The following SOX6 variants were observed in gnomAD, a reference collection of about 807,000 sequenced individuals.
SOX6 encodes the protein SRY-box transcription factor 6.
In SOX6, 11 loss-of-function variants were observed where a neutral mutation model predicts 97.8. The observed-to-expected ratio is 0.11, with a 90% CI of 0.07 to 0.19. SOX6 has a LOEUF of 0.19. Ranked by LOEUF, SOX6 falls within the 10% of genes least tolerant of loss-of-function variation. SOX6 has a pLI of 1.00. For missense variants in SOX6, 810 were observed against 1,039.5 expected (o/e 0.78, Z 3.04); for synonymous variants, 360 against 371.4 (o/e 0.97, Z 0.35).
In SOX6 at chr11:16,610,199, T is replaced by C. The variant is rs540950097; in HGVS notation, n.609+1882A>G. On this transcript the variant is annotated intron_variant and non_coding_transcript_variant, in intron 4 of 5. Transcript: ENST00000524520. The surrounding 1 kb of genome is among the most constrained non-coding windows in gnomAD (Gnocchi z 4.4). ...AGGGCCATAAAACCTCTCCAAAGCC[T>C]AAAGAGGTCATCATTGAAGGACCTG... Among the ~76,000 whole-genome samples, 3 of 152,150 alleles carry C rather than the reference T, an allele frequency of 2.0e-5. No homozygotes were observed. The South Asian group carries it at 6.2e-4, about 31-fold the overall frequency.
At chr11:16,573,941 G>T (rs991081895) in intron 4 of SOX6, among the ~76,000 whole-genome samples, 1 of 152,078 alleles carries the variant, frequency 6.6e-6, no homozygotes, top group Admixed American at 6.5e-5. Flanking sequence ...TAATGTTCAT[G>T]TTGTATAAGA....
In SOX6 at chr11:16,596,636, A is replaced by C. The variant is rs139012679; in HGVS notation, n.609+15445T>G. On this transcript the variant is annotated intron_variant and non_coding_transcript_variant, in intron 4 of 5. Transcript: ENST00000524520. ...TATACATAACGCCATGACAGTAATT[A>C]GCACACTGTACAGAATCACCTATAT... Among the ~76,000 whole-genome samples the C allele has an allele frequency of 3.3e-5, 5 of 152,328 alleles. No individual in the cohort carries two copies. In the East Asian group the frequency reaches 9.6e-4, roughly 29 times the overall value.
intron 3 of SOX6, among the ~76,000 whole-genome samples, chr11:16,643,571 G>T (rs915380830): frequency 6.6e-6 from 1 of 152,218 alleles, no homozygotes; most frequent in Non-Finnish European, 1.5e-5. Flanking sequence ...CCCAGTTCAA[G>T]CTTCCCAGCC....
chr11:16,321,030 C>A (rs1467109363), intron 2 of SOX6, among the ~76,000 whole-genome samples: 1 of 152,048 alleles, frequency 6.6e-6, no homozygotes, highest in Non-Finnish European at 1.5e-5. Context: ...TGCAGAGGAA[C>A]CCCTTCTTTT....
chr11:16,448,471 C>T (rs1859654453), intron 1 of SOX6, among the ~76,000 whole-genome samples: 1 of 152,010 alleles, frequency 6.6e-6, no homozygotes, highest in South Asian at 2.1e-4. Flanking sequence ...AAAAAAAGTG[C>T]AATTTTCCAG....
Position 16,497,282 on chromosome 11 carries a change from C to A in SOX6, n.610-20894G>T, listed in dbSNP as rs143491312. Among the ~76,000 whole-genome samples the A allele has an allele frequency of 8.7e-3, 1,323 of 152,152 alleles. 22 individuals carry two copies. The highest frequency in any genetic ancestry group is 0.029 in the African/African-American group (1,208 of 41,512). On this transcript the variant is annotated intron_variant and non_coding_transcript_variant, in intron 4 of 5. Transcript: ENST00000524520. Reference sequence around the variant, plus strand: ...CTAACTGTTAGAAGGAAAACTAACACACAGAAAGGACATCCACACCAAAAC... The same window carrying A: ...CTAACTGTTAGAAGGAAAACTAACAAACAGAAAGGACATCCACACCAAAAC...
intron 2 of SOX6, among the ~76,000 whole-genome samples, chr11:16,715,097 G>A (rs1398511188): frequency 1.3e-5 from 2 of 152,132 alleles, no homozygotes; most frequent in Non-Finnish European, 2.9e-5. Flanking sequence ...TTCTGTTATG[G>A]AAAGCCTAAA....
intron 4 of SOX6, among the ~76,000 whole-genome samples, chr11:16,558,819 G>A (rs531200827): frequency 2.4e-4 from 37 of 152,032 alleles, no homozygotes; most frequent in Middle Eastern, 3.4e-3. Context: ...AAAAAAATAA[G>A]AATTCTCAAC....
chr11:16,527,122 T>G (rs1361084767), intron 4 of SOX6, among the ~76,000 whole-genome samples: 3 of 151,978 alleles, frequency 2.0e-5, no homozygotes, highest in Non-Finnish European at 2.9e-5. Flanking sequence ...CTGACTGGCA[T>G]CTCAGTTACT....
intron 15 of SOX6, among the ~76,000 whole-genome samples, chr11:15,977,249 C>T (rs906181833): frequency 2.0e-5 from 3 of 152,074 alleles, no homozygotes; most frequent in Non-Finnish European, 4.4e-5. Flanking sequence ...CCGACTATCT[C>T]AGTGTGACCT....
intron 4 of SOX6, among the ~76,000 whole-genome samples, chr11:16,553,419 G>A (rs954362466): frequency 3.9e-5 from 6 of 152,250 alleles, no homozygotes; most frequent in South Asian, 2.1e-4. Context: ...TCTAGAAAAG[G>A]GGCAGTAACT....
At chr11:16,095,362 C>T (rs1311392371) in intron 9 of SOX6, among the ~76,000 whole-genome samples, 2 of 151,458 alleles carry the variant, frequency 1.3e-5, no homozygotes, top group Non-Finnish European at 3.0e-5. Context: ...GTAAGAATAT[C>T]CCAACAAAAC....
rs534794390 is a variant in SOX6 at position 16,016,923 on chromosome 11, G to A, written c.1624-1873C>T. On this transcript the variant is annotated intron_variant, in intron 12 of 15. Transcript: ENST00000683767. ...AACTTTCTCTGAAAATCAACAGACC[G>A]TGCTATCTATCAATATGCATATTTC... Among the ~76,000 whole-genome samples the A allele has an allele frequency of 5.7e-4, 87 of 151,994 alleles. 1 individual carries two copies. The South Asian group carries it at 0.013, about 22-fold the overall frequency.
At chr11:16,024,138 T>C (rs1402607893) in intron 12 of SOX6, among the ~76,000 whole-genome samples, 1 of 152,122 alleles carries the variant, frequency 6.6e-6, no homozygotes, top group Non-Finnish European at 1.5e-5. Flanking sequence ...ACCAGGGATG[T>C]GTGCACATGG....
chr11:16,657,733 A>ATATG (rs1590041717), intron 3 of SOX6, among the ~76,000 whole-genome samples: 1 of 152,212 alleles, frequency 6.6e-6, no homozygotes, highest in East Asian at 1.9e-4. Flanking sequence ...CCCTAGTGAC[A>ATATG]TATGATGTTG....
chr11:16,513,462 A>G (rs937480106), intron 4 of SOX6, among the ~76,000 whole-genome samples: 3 of 151,922 alleles, frequency 2.0e-5, no homozygotes, highest in South Asian at 4.2e-4. Context: ...GTGAAACTCC[A>G]TCTCTACTAA....
At chr11:16,034,629 G>A (rs1254130388) in intron 12 of SOX6, among the ~76,000 whole-genome samples, 1 of 152,148 alleles carries the variant, frequency 6.6e-6, no homozygotes, top group East Asian at 1.9e-4. Flanking sequence ...CCAACCAGCT[G>A]AAAATGAAAA....
At chr11:16,485,799 C>T in intron 4 of SOX6, among the ~76,000 whole-genome samples, 1 of 149,416 alleles carries the variant, frequency 6.7e-6, no homozygotes, top group Non-Finnish European at 1.5e-5. Context: ...GAGGCTGAGG[C>T]AGGAAGACCA....
At position 16,326,727 on chromosome 11, in the gene SOX6, T is replaced by G. The variant is rs118121668; in HGVS notation, c.238-8074A>C. Among the ~76,000 whole-genome samples, 6 of 152,310 alleles carry G rather than the reference T, an allele frequency of 3.9e-5. No homozygotes were observed. In the East Asian group the frequency reaches 1.2e-3, roughly 29 times the overall value. On this transcript the variant is annotated intron_variant, in intron 2 of 15. Transcript: ENST00000683767. ...TATAAGAAATCATCCAAAAACAAAGTGCTTAAAACAAAACCAATCATTTAT... is the reference window on the plus strand; with the variant it reads ...TATAAGAAATCATCCAAAAACAAAGGGCTTAAAACAAAACCAATCATTTAT...
Sources: gnomAD v4.1 joint callset for allele counts (sites outside exome capture counted in the v4.1 genomes callset) on GRCh38, gnomAD v4.1.1 for gene constraint, Gnocchi (gnomAD v3.1) non-coding constraint, MANE v1.5 for transcripts, NCBI Gene and HGNC (gene_info 2026-07-23, HGNC 2026-07-21) for gene names.